Variants in ZNF618 observed in about 807,000 individuals in gnomAD.
The protein encoded by ZNF618 is zinc finger protein 618, also known as neural precursor cell expressed, developmentally down-regulated 10.
Under a neutral mutation model 103.0 loss-of-function variants are expected in ZNF618, and 34 were observed. That is an observed-to-expected ratio of 0.33 (90% confidence interval 0.25 to 0.44). The LOEUF is 0.44. Ranked by LOEUF, ZNF618 falls within the 20% of genes least tolerant of loss-of-function variation. The pLI is 1.00. For missense variants in ZNF618, 1,059 were observed against 1,295.4 expected (o/e 0.82, Z 2.80); for synonymous variants, 551 against 542.2 (o/e 1.02, Z -0.23).
chr9:113,910,666 TAAAGTGGTTCATCTG>T (rs1291067406), intron 1 of ZNF618, among the ~76,000 whole-genome samples: 1 of 152,136 alleles, frequency 6.6e-6, no homozygotes, highest in African/African-American at 2.4e-5. Context: ...ATCACTTTCC[TAAAGTGGTTCATCTG>T]AAAGCCCTTT....
intron 1 of ZNF618, among the ~76,000 whole-genome samples, chr9:113,933,216 G>C (rs1313379661): frequency 6.6e-6 from 1 of 152,172 alleles, no homozygotes; most frequent in Non-Finnish European, 1.5e-5. Context: ...CAACAGAATG[G>C]GAACTGAGGT....
At chr9:113,921,150 G>A (rs889595900) in intron 1 of ZNF618, among the ~76,000 whole-genome samples, 1 of 152,318 alleles carries the variant, frequency 6.6e-6, no homozygotes, top group Middle Eastern at 3.4e-3. Context: ...TGCAGCTTTG[G>A]CATCCATTAG....
intron 9 of ZNF618, among the ~76,000 whole-genome samples, chr9:114,014,421 C>G (rs1842498642): frequency 6.6e-6 from 1 of 152,190 alleles, no homozygotes; most frequent in Admixed American, 6.5e-5. Context: ...CTTGAGAGCA[C>G]TTACTGTGGA....
At chr9:113,876,631 G>T (rs1462255158) in intron 1 of ZNF618, among the ~76,000 whole-genome samples, 1 of 151,686 alleles carries the variant, frequency 6.6e-6, no homozygotes, top group Non-Finnish European at 1.5e-5. Context: ...GGGTCTTTTG[G>T]GGCCCCCACC....
chr9:113,979,900 T>C (rs56088407), intron 2 of ZNF618, among the ~76,000 whole-genome samples: 85,551 of 151,454 alleles, frequency 0.56, 24,405 homozygotes, highest in Middle Eastern at 0.77. Flanking sequence ...ATGACCTTGG[T>C]TGCTCTGTCC....
Position 114,050,442 on chromosome 9 carries a change from G to GCACACACACACACA in ZNF618, c.*295_*308dup, listed in dbSNP as rs113819665. ...ATGGCCAGAGAAACTTTGCACACACGCACACACACACACACACACACACAC... is the reference window on the plus strand; with the variant it reads ...ATGGCCAGAGAAACTTTGCACACACGCACACACACACACACACACACACACACACACACACACAC... On this transcript the variant is annotated 3_prime_UTR_variant, in exon 15 of 15. Transcript: ENST00000374126. The GCACACACACACACA allele has an allele frequency of 3.2e-3, 676 of 210,432 alleles. 10 individuals are homozygous for GCACACACACACACA. Among genetic ancestry groups the GCACACACACACACA allele is most frequent in the African/African-American group, 0.016 (656 of 40,886 alleles). 13.0% of individuals were successfully genotyped at this position (210,432 alleles called of 1,614,324 possible). A position where few individuals can be genotyped will look rare whatever the true frequency, so the allele number is the denominator to read the frequency against.
intron 2 of ZNF618, among the ~76,000 whole-genome samples, chr9:113,969,507 T>A (rs1444435090): frequency 6.6e-6 from 1 of 152,240 alleles, no homozygotes; most frequent in Non-Finnish European, 1.5e-5. Flanking sequence ...AGTCCCATCC[T>A]TGTCCAGAAT....
At chr9:113,890,708 A>G (rs981501327) in intron 1 of ZNF618, among the ~76,000 whole-genome samples, 4 of 152,204 alleles carry the variant, frequency 2.6e-5, no homozygotes, top group Non-Finnish European at 1.5e-5. Context: ...GCCAGGTGGT[A>G]TCCGTTTACA....
At chr9:113,949,533 CTCAG>C (rs1473013053) in intron 1 of ZNF618, among the ~76,000 whole-genome samples, 1 of 152,164 alleles carries the variant, frequency 6.6e-6, no homozygotes, top group Non-Finnish European at 1.5e-5. Flanking sequence ...TGCTCACTAC[CTCAG>C]TCAGACTCTT....
rs1844204023 is a variant in ZNF618, at chr9:114,032,744, G to C, written c.1168+16G>C. On this transcript the variant is annotated intron_variant, in intron 12 of 14. Coordinates refer to ENST00000374126, the MANE Select transcript of ZNF618 (RefSeq NM_001318042.2). ...AACTCCAGCGGTGAGTGTGCCCCTT[G>C]ACAGCCATCCTGTGCGGTAGCTGCC... 1 of 1,613,266 alleles carries C rather than the reference G, an allele frequency of 6.2e-7. No individual in the cohort carries two copies.
intron 1 of ZNF618, among the ~76,000 whole-genome samples, chr9:113,909,793 T>G (rs193300536): frequency 2.7e-3 from 414 of 151,948 alleles, no homozygotes; most frequent in East Asian, 0.011. Context: ...TTGTTTGTTT[T>G]TTTTTTTTTG....
At chr9:113,942,499 G>T (rs997071763) in intron 1 of ZNF618, among the ~76,000 whole-genome samples, 5 of 152,162 alleles carry the variant, frequency 3.3e-5, no homozygotes, top group Admixed American at 6.5e-5. Flanking sequence ...CTTTGAGCTT[G>T]ATCTATATCT....
intron 3 of ZNF618, among the ~76,000 whole-genome samples, chr9:113,995,786 T>G (rs1398147972): frequency 6.6e-6 from 1 of 152,192 alleles, no homozygotes; most frequent in Non-Finnish European, 1.5e-5. Context: ...ACTCACTTTC[T>G]GAGCCCGACA....
At chr9:113,944,961 G>A (rs936526815) in intron 1 of ZNF618, among the ~76,000 whole-genome samples, 3 of 152,114 alleles carry the variant, frequency 2.0e-5, no homozygotes, top group South Asian at 2.1e-4. Context: ...GTGACATTCC[G>A]CAGATATGAA....
chr9:114,055,751 CAAA>C lies in ZNF618; in HGVS notation c.*5590_*5592del, dbSNP rs1161562929. 1 of 150,564 alleles carries C rather than the reference CAAA, an allele frequency of 6.6e-6. No homozygotes were observed. The highest frequency in any genetic ancestry group is 1.5e-5 in the Non-Finnish European group (1 of 67,528). The allele number at this position is 150,564 out of a possible 1,614,324, so 9.3% of individuals were successfully genotyped here. ...AAAAAAATTTACAAAAAAACAAACACAAAAAAAATATCTTTTTTAGGCCAGAGT... is the reference window on the plus strand; with the variant it reads ...AAAAAAATTTACAAAAAAACAAACACAAAAATATCTTTTTTAGGCCAGAGT... On this transcript the variant is annotated 3_prime_UTR_variant, in exon 15 of 15. Transcript: ENST00000374126.
At chr9:113,878,506 A>G (rs1322565255) in intron 1 of ZNF618, among the ~76,000 whole-genome samples, 2 of 152,260 alleles carry the variant, frequency 1.3e-5, no homozygotes, top group East Asian at 3.8e-4. Context: ...AAAAAATTTA[A>G]GAAGGCAAAT....
chr9:113,919,630 G>A (rs1352864324), intron 1 of ZNF618, among the ~76,000 whole-genome samples: 1 of 152,318 alleles, frequency 6.6e-6, no homozygotes. Context: ...GTCCTCCAAC[G>A]GCGGGGCCAG....
chr9:114,025,724 GCCTTATA>G (rs1192864023), intron 10 of ZNF618, among the ~76,000 whole-genome samples: 1 of 151,780 alleles, frequency 6.6e-6, no homozygotes, highest in African/African-American at 2.4e-5. Flanking sequence ...AGCCCCATCT[GCCTTATA>G]CCTTTGGGAC....
intron 1 of ZNF618, among the ~76,000 whole-genome samples, chr9:113,906,252 C>T (rs1830979098): frequency 6.6e-6 from 1 of 152,148 alleles, no homozygotes; most frequent in Admixed American, 6.5e-5. Context: ...GGGTCTCATT[C>T]TCTTAGCAGG....
Sources: allele counts gnomAD v4.1 joint callset (sites outside exome capture counted in the v4.1 genomes callset), GRCh38; gene constraint gnomAD v4.1.1; transcripts MANE v1.5; gene names NCBI Gene and HGNC (gene_info 2026-07-23, HGNC 2026-07-21).